Variants in SLC39A3 observed in about 807,000 individuals in gnomAD.
SLC39A3 encodes the protein zinc transporter ZIP3.
SLC39A3 carries 3 observed loss-of-function variants against 5.1 expected under a neutral mutation model. The ratio of observed to expected loss-of-function variants is 0.59; its 90% CI spans 0.27 to 1.54. SLC39A3 has a LOEUF of 1.54. Ranked by LOEUF, SLC39A3 falls within the 40% of genes most tolerant of loss-of-function variation. The pLI is 0.12. For missense variants in SLC39A3, 412 were observed against 436.4 expected (o/e 0.94, Z 0.50); for synonymous variants, 250 against 218.8 (o/e 1.14, Z -1.26).
At position 2,736,910 on chromosome 19, in the gene SLC39A3, A is replaced by C. The variant is rs138041067; in HGVS notation, c.210+138T>G. ...GAAAGTAACCAGTTCACAATCACAC[A>C]GCAAATTCACTTCCTACTTTCCGTC... On this transcript the variant is annotated intron_variant, in intron 2 of 2. Transcript: ENST00000269740. The C allele has an allele frequency of 2.0e-6, 3 of 1,536,346 alleles. No homozygotes were observed. In the African/African-American group the frequency reaches 4.1e-5, roughly 21 times the overall value.
Position 2,735,950 on chromosome 19 carries a change from C to T in SLC39A3, c.210+1098G>A, listed in dbSNP as rs563359077. 12 of 985,454 alleles carry T rather than the reference C, an allele frequency of 1.2e-5. No homozygotes were observed. In the African/African-American group the frequency reaches 1.6e-4, roughly 13 times the overall value. 61.0% of individuals were successfully genotyped at this position (985,454 alleles called of 1,614,324 possible). A position where few individuals can be genotyped will look rare whatever the true frequency, so the allele number is the denominator to read the frequency against. On this transcript the variant is annotated intron_variant, in intron 2 of 2. Coordinates refer to ENST00000269740, the MANE Select transcript of SLC39A3 (RefSeq NM_144564.5). This position sits in a 1 kb window ranked among gnomAD's most constrained non-coding sequence, Gnocchi z 5.7. ...GATAAGCTTAGGGCTTCCATGCTTT[C>T]GTTGGGAGGAAGAACAGGGGGTCCT...
chr19:2,736,129 A>C (rs1914358896), intron 2 of SLC39A3: 2 of 985,350 alleles, frequency 2.0e-6, no homozygotes, highest in African/African-American at 3.5e-5. Flanking sequence ...TGGGCTGCTG[A>C]TATGGGGGAG....
At chr19:2,737,520 A>G in intron 1 of SLC39A3, 141 bp from the exon 2 acceptor site, 1 of 493,298 alleles carries the variant, frequency 2.0e-6, no homozygotes, top group Non-Finnish European at 3.5e-6. Flanking sequence ...GATTCAAGCA[A>G]TTCTCCTGCC....
chr19:2,739,506 A>C (rs1459045718), intron 1 of SLC39A3: 1 of 151,316 alleles, frequency 6.6e-6, no homozygotes, highest in Non-Finnish European at 1.5e-5. Context: ...CCCTGGTGTT[A>C]TTTTCTTTTA....
chr19:2,733,055 G>A lies in SLC39A3; in HGVS notation c.641C>T (p.Ala214Val), dbSNP rs367916654. ...ACTCCGGGCCATGCTGATGCCCAGG[G>A]CCACGGCCACCAGTGTCTCGTGGAC... is the stretch of plus-strand genomic sequence containing the variant. Reference protein sequence around the residue: ...VAVHETLVAVALGISMARSAM... With the variant: ...VAVHETLVAVVLGISMARSAM... The change falls in exon 3 of 3, where the codon GCC becomes GTC. Residue 214 changes from alanine (A) to valine (V), a missense_variant. By Grantham distance (64) the Ala-to-Val change is moderately conservative. Coordinates refer to ENST00000269740, the MANE Select transcript of SLC39A3 (RefSeq NM_144564.5). This position sits in a 1 kb window ranked among gnomAD's most constrained non-coding sequence, Gnocchi z 6.1. 1.2e-6 allele frequency: 2 copies of A among 1,610,082 alleles called. No individual in the cohort carries two copies. Among genetic ancestry groups the A allele is most frequent in the Non-Finnish European group, 8.5e-7 (1 of 1,178,656 alleles).
rs756128512 is a variant in SLC39A3, at chr19:2,732,700, C to T, written c.*51G>A. 1.3e-5 allele frequency: 20 copies of T among 1,484,718 alleles called. No individual in the cohort carries two copies. The highest frequency in any genetic ancestry group is 2.1e-4 in the Middle Eastern group (1 of 4,672). 92.0% of individuals were successfully genotyped at this position (1,484,718 alleles called of 1,614,324 possible). A position where few individuals can be genotyped will look rare whatever the true frequency, so the allele number is the denominator to read the frequency against. On this transcript the variant is annotated 3_prime_UTR_variant, in exon 3 of 3. Coordinates refer to ENST00000269740, the MANE Select transcript of SLC39A3 (RefSeq NM_144564.5). ...GCGGCCGGGGGACGCGGCCTGTGTC[C>T]GGCCCGGGGCTCCCGGCGGGCTCCG...
chr19:2,733,494 G>T lies in SLC39A3; in HGVS notation c.211-9C>A. 1 of 1,603,108 alleles carries T rather than the reference G, an allele frequency of 6.2e-7. No homozygotes were observed. The highest frequency in any genetic ancestry group is 8.5e-7 in the Non-Finnish European group (1 of 1,173,898). On this transcript the variant is annotated splice_polypyrimidine_tract_variant and intron_variant, in intron 2 of 2. Transcript: ENST00000269740. This position sits in a 1 kb window ranked among gnomAD's most constrained non-coding sequence, Gnocchi z 6.1. ...CTCAGGACCTTCTGGAGCTGCAGCCGGGGACACCCGAGAGAGAGAGAGAGA... is the reference window on the plus strand; with the variant it reads ...CTCAGGACCTTCTGGAGCTGCAGCCTGGGACACCCGAGAGAGAGAGAGAGA...
rs375373363 is a variant in SLC39A3 at position 2,733,450 on chromosome 19, G to C, written c.246C>G (p.Thr82=). ...QKVLSLGHIS[T]DYPLAETILL... ...GGATGGTTTCGGCCAGCGGGTAGTC[G>C]GTGCTGATGTGGCCGAGGCTCAGGA... The change falls in exon 3 of 3, where the codon ACC becomes ACG. Residue 82 remains threonine, a synonymous_variant. Coordinates refer to ENST00000269740, the MANE Select transcript of SLC39A3 (RefSeq NM_144564.5). The surrounding 1 kb of genome is among the most constrained non-coding windows in gnomAD (Gnocchi z 6.1). The C allele has an allele frequency of 1.6e-5, 26 of 1,612,610 alleles. No individual in the cohort carries two copies. Among genetic ancestry groups the C allele is most frequent in the Non-Finnish European group, 2.0e-5 (24 of 1,179,930 alleles).
At chr19:2,737,895 C>T (rs937599619) in intron 1 of SLC39A3, 6 of 151,848 alleles carry the variant, frequency 4.0e-5, no homozygotes, top group African/African-American at 1.5e-4. Flanking sequence ...GAAAAAAGTT[C>T]ATCAAAATTA....
At chr19:2,738,367 G>T (rs1321316955) in intron 1 of SLC39A3, among the ~76,000 whole-genome samples, 2 of 152,070 alleles carry the variant, frequency 1.3e-5, no homozygotes, top group South Asian at 2.1e-4. Context: ...CTATTGGATG[G>T]TGGTGGTCCA....
At chr19:2,736,290 A>G in intron 2 of SLC39A3, 1 of 668,568 alleles carries the variant, frequency 1.5e-6, no homozygotes, top group Non-Finnish European at 1.8e-6. Flanking sequence ...GCTTCTAACC[A>G]GCAGGACACT....
chr19:2,733,397 A>C lies in SLC39A3; in HGVS notation c.299T>G (p.Phe100Cys). 6.2e-7 allele frequency: 1 copy of C among 1,613,078 alleles called. No individual in the cohort carries two copies. The highest frequency in any genetic ancestry group is 1.3e-5 in the African/African-American group (1 of 75,040). The change falls in exon 3 of 3, where the codon TTC (phenylalanine) becomes TGC (cysteine). Residue 100 changes from phenylalanine (F) to cysteine (C), a missense_variant. Phe to Cys is a radical substitution (Grantham distance 205). Transcript: ENST00000269740. The surrounding 1 kb of genome is among the most constrained non-coding windows in gnomAD (Gnocchi z 6.1). Reference protein sequence around the residue: ...ILLLGFFMTVFLEQLILTFRK... With the variant: ...ILLLGFFMTVCLEQLILTFRK... ...GAAGGTCAGGATCAGCTGCTCCAGG[A>C]AGACGGTCATGAAGAAGCCCAGCAG...
intron 1 of SLC39A3, among the ~76,000 whole-genome samples, chr19:2,738,199 C>CA (rs781639261): frequency 0.082 from 4,128 of 50,494 alleles, 117 homozygotes; most frequent in Non-Finnish European, 0.12. Context: ...AACTCCATCT[C>CA]AAAAAAAAAA....
intron 1 of SLC39A3, among the ~76,000 whole-genome samples, chr19:2,738,199 C>CAAAAAAAAAAAAAAA (rs781639261): frequency 2.0e-5 from 1 of 50,906 alleles, no homozygotes; most frequent in Non-Finnish European, 4.4e-5. Flanking sequence ...AACTCCATCT[C>CAAAAAAAAAAAAAAA]AAAAAAAAAA....
At position 2,737,319 on chromosome 19, in the gene SLC39A3, G is replaced by A; in HGVS notation, c.-62C>T. 4 of 1,522,028 alleles carry A rather than the reference G, an allele frequency of 2.6e-6. No homozygotes were observed. The highest frequency in any genetic ancestry group is 2.7e-6 in the Non-Finnish European group (3 of 1,129,904). The allele number at this position is 1,522,028 out of a possible 1,614,324, so 94.3% of individuals were successfully genotyped here. On this transcript the variant is annotated 5_prime_UTR_variant, in exon 2 of 3. Coordinates refer to ENST00000269740, the MANE Select transcript of SLC39A3 (RefSeq NM_144564.5). ...AAACCATCTGTGGGCGCACACCCAA[G>A]TCCCACGATGTGCTACCGAGCCCAA...
Position 2,732,730 on chromosome 19 carries a change from C to A in SLC39A3, c.*21G>T. On this transcript the variant is annotated 3_prime_UTR_variant, in exon 3 of 3. Transcript: ENST00000269740. ...CGGGGCTCCCGGCGGGCTCCGGCGG[C>A]AGGGACAATGGCGAGGCCGCTCACC... 6.6e-7 allele frequency: 1 copy of A among 1,519,110 alleles called. No homozygotes were observed. Among genetic ancestry groups the A allele is most frequent in the Non-Finnish European group, 8.8e-7 (1 of 1,134,672 alleles). The allele number at this position is 1,519,110 out of a possible 1,614,324, so 94.1% of individuals were successfully genotyped here. A position where few individuals can be genotyped will look rare whatever the true frequency, so the allele number is the denominator to read the frequency against.
At position 2,739,983 on chromosome 19, in the gene SLC39A3, A is replaced by T. The variant is rs1402498483; in HGVS notation, c.-161T>A. Reference sequence around the variant, plus strand: ...CTCGTCCGCCGACTGGCGCCGCTGCACGCCCAACGGCCGCGCAGTCTCGAC... The same window carrying T: ...CTCGTCCGCCGACTGGCGCCGCTGCTCGCCCAACGGCCGCGCAGTCTCGAC... On this transcript the variant is annotated 5_prime_UTR_variant, in exon 1 of 3. Transcript: ENST00000269740. 6.6e-6 allele frequency: 1 copy of T among 151,792 alleles called. No individual in the cohort carries two copies. The highest frequency in any genetic ancestry group is 1.9e-4 in the East Asian group (1 of 5,164). The allele number at this position is 151,792 out of a possible 1,614,324, so 9.4% of individuals were successfully genotyped here. A position where few individuals can be genotyped will look rare whatever the true frequency, so the allele number is the denominator to read the frequency against.
At chr19:2,736,402 G>T (rs1284259997) in intron 2 of SLC39A3, 2 of 191,582 alleles carry the variant, frequency 1.0e-5, no homozygotes, top group Non-Finnish European at 2.0e-5. Context: ...GCTGATGAAG[G>T]AACTGATCAT....
At chr19:2,736,229 G>C (rs1914363112) in intron 2 of SLC39A3, 1 of 982,344 alleles carries the variant, frequency 1.0e-6, no homozygotes, top group South Asian at 4.7e-5. Context: ...CCTCTTGACA[G>C]CCATACCCTG....
Sources: gnomAD v4.1 joint callset for allele counts (sites outside exome capture counted in the v4.1 genomes callset) on GRCh38, gnomAD v4.1.1 for gene constraint, Gnocchi (gnomAD v3.1) non-coding constraint, MANE v1.5 for transcripts, NCBI Gene and HGNC (gene_info 2026-07-23, HGNC 2026-07-21) for gene names.